The following CEP290 variants were observed in gnomAD, a reference collection of about 807,000 sequenced individuals.
CEP290 encodes centrosomal protein 290.
Under a neutral mutation model 344.9 loss-of-function variants are expected in CEP290, and 317 were observed. The ratio of observed to expected loss-of-function variants is 0.92; its 90% CI spans 0.84 to 1.01. The LOEUF (loss-of-function observed/expected upper bound fraction) is 1.01, where lower values mean the gene tolerates loss of function less well. Among genes scored for constraint, CEP290 ranks in the 50% least tolerant of loss-of-function variants. CEP290 has a pLI of 0.00. For synonymous variants in CEP290, 932 were observed against 895.8 expected (o/e 1.04, Z -0.72); for missense variants, 2,754 against 2,761.4 (o/e 1.00, Z 0.06).
chr12:88,059,791 A>C lies in CEP290; in HGVS notation c.6645+107T>G. 6 of 870,692 alleles carry C rather than the reference A, an allele frequency of 6.9e-6. No homozygotes were observed. In the South Asian group the frequency reaches 1.1e-4, roughly 16 times the overall value. 53.9% of individuals were successfully genotyped at this position (870,692 alleles called of 1,614,324 possible). ...TAGAAACACAATTCCTCAATCTCTT[A>C]ATATCTACCTTTACAGACACTCTCA... On this transcript the variant is annotated intron_variant, in intron 48 of 53. Transcript: ENST00000552810.
chr12:88,121,635 T>C (rs2039408894), intron 13 of CEP290, among the ~76,000 whole-genome samples: 2 of 152,030 alleles, frequency 1.3e-5, no homozygotes, highest in East Asian at 3.9e-4. Flanking sequence ...AAAAAATGTT[T>C]TTAAAATAAA....
At chr12:88,126,055 C>G (rs376388644) in intron 12 of CEP290, among the ~76,000 whole-genome samples, 1 of 151,846 alleles carries the variant, frequency 6.6e-6, no homozygotes. Context: ...TAATTTCTAA[C>G]CAAAACAATG....
Position 88,102,845 on chromosome 12 carries a change from T to C in CEP290, c.2984A>G (p.His995Arg). The C allele has an allele frequency of 6.2e-7, 1 of 1,609,590 alleles. No individual in the cohort carries two copies. The highest frequency in any genetic ancestry group is 8.5e-7 in the Non-Finnish European group (1 of 1,178,104). The change falls in exon 26 of 54, where the codon CAC (histidine) becomes CGC (arginine). Residue 995 changes from histidine (H) to arginine (R), a missense_variant. By Grantham distance (29) the His-to-Arg change is conservative (BLOSUM62 0). Transcript: ENST00000552810. ...AGAATCACACAAACTTACCTCCAGG[T>C]GTTCCAAGTTACTTGTTCTTTGAAC... Reference protein sequence around the residue: ...MLVQRTSNLEHLECENISLKE... With the variant: ...MLVQRTSNLERLECENISLKE...
chr12:88,105,111 T>C (rs1292013500), intron 25 of CEP290, among the ~76,000 whole-genome samples: 1 of 152,216 alleles, frequency 6.6e-6, no homozygotes, highest in Non-Finnish European at 1.5e-5. Context: ...ACCTGGGCTC[T>C]TTAAAGAAAT....
chr12:88,059,500 C>T (rs530560317), intron 48 of CEP290, among the ~76,000 whole-genome samples: 41 of 151,860 alleles, frequency 2.7e-4, no homozygotes, highest in African/African-American at 8.2e-4. Flanking sequence ...CTCTGCCTCC[C>T]GGGTTCAAGC....
At chr12:88,112,891 T>C (rs190131546) in intron 20 of CEP290, among the ~76,000 whole-genome samples, 4 of 152,230 alleles carry the variant, frequency 2.6e-5, no homozygotes, top group African/African-American at 9.6e-5. Context: ...CATTGAGGAA[T>C]AGTGCCGTGT....
At position 88,086,067 on chromosome 12, in the gene CEP290, G is replaced by C; in HGVS notation, c.4409C>G (p.Thr1470Arg). The C allele has an allele frequency of 6.2e-7, 1 of 1,612,014 alleles. No individual in the cohort carries two copies. Among genetic ancestry groups the C allele is most frequent in the Non-Finnish European group, 8.5e-7 (1 of 1,179,044 alleles). ...TTCTAGTGATTTGCAAGTTGCCCGT[G>C]TTTCTAGAATTATTCGAATGTTCTC... is the stretch of plus-strand genomic sequence containing the variant. ...IKENIRIILE[T>R]RATCKSLEEK... The change falls in exon 34 of 54, where the codon ACA becomes AGA. Residue 1470 changes from threonine to arginine, a missense_variant. Coordinates refer to ENST00000552810, the MANE Select transcript of CEP290 (RefSeq NM_025114.4).
intron 27 of CEP290, 85 bp downstream of exon 27, chr12:88,096,803 A>T: frequency 1.5e-6 from 1 of 687,058 alleles, no homozygotes; most frequent in Non-Finnish European, 2.4e-6. Flanking sequence ...CTTCCTTTTA[A>T]TCTAGCATAA....
chr12:88,077,290 C>A lies in CEP290; in HGVS notation c.5641G>T (p.Val1881Phe). 6.2e-7 allele frequency: 1 copy of A among 1,601,428 alleles called. No individual in the cohort carries two copies. The highest frequency in any genetic ancestry group is 8.5e-7 in the Non-Finnish European group (1 of 1,174,130). Reference sequence around the variant, plus strand: ...TCTAATTGGTTCTCTAGTTTTTTAACTTTCCTTTGGAGTTCTTCAATTAGA... The same window carrying A: ...TCTAATTGGTTCTCTAGTTTTTTAAATTTCCTTTGGAGTTCTTCAATTAGA... ...QSLIEELQRK[V>F]KKLENQLEGK... The change falls in exon 41 of 54, where the codon GTT becomes TTT. Residue 1881 changes from valine to phenylalanine, a missense_variant. Transcript: ENST00000552810.
intron 26 of CEP290, among the ~76,000 whole-genome samples, chr12:88,097,602 C>T (rs903811082): frequency 7.6e-5 from 7 of 92,650 alleles, no homozygotes; most frequent in Admixed American, 6.8e-4. Flanking sequence ...TATACACACA[C>T]ACACACATAC....
At chr12:88,075,463 G>C (rs1192106330) in intron 41 of CEP290, among the ~76,000 whole-genome samples, 1 of 151,884 alleles carries the variant, frequency 6.6e-6, no homozygotes, top group Non-Finnish European at 1.5e-5. Flanking sequence ...CTATGTGCCA[G>C]CGATTGTTCT....
intron 52 of CEP290, among the ~76,000 whole-genome samples, chr12:88,052,875 G>A (rs2033673274): frequency 6.6e-6 from 1 of 152,106 alleles, no homozygotes; most frequent in Admixed American, 6.6e-5. Flanking sequence ...GCACTATGCT[G>A]TGCTGCCCTC....
intron 47 of CEP290, among the ~76,000 whole-genome samples, chr12:88,060,545 G>A (rs1332504128): frequency 6.6e-6 from 1 of 151,602 alleles, no homozygotes; most frequent in Non-Finnish European, 1.5e-5. Flanking sequence ...GGGTGACAAA[G>A]CAGTACTCCA....
intron 41 of CEP290, 29 bp downstream of exon 41, chr12:88,077,193 C>T (rs1351742678): frequency 2.5e-6 from 4 of 1,589,076 alleles, no homozygotes; most frequent in Non-Finnish European, 3.4e-6. Flanking sequence ...CTACCTTAAG[C>T]ATATAAGTCA....
intron 26 of CEP290, among the ~76,000 whole-genome samples, chr12:88,101,085 G>A (rs2037835925): frequency 6.6e-6 from 1 of 151,990 alleles, no homozygotes; most frequent in Non-Finnish European, 1.5e-5. Flanking sequence ...CAGTAAGGAG[G>A]ATGTAAGACT....
At chr12:88,078,351 C>T (rs1472997145) in intron 39 of CEP290, among the ~76,000 whole-genome samples, 2 of 152,028 alleles carry the variant, frequency 1.3e-5, no homozygotes, top group Admixed American at 1.3e-4. Context: ...AAAAGGGTAA[C>T]TTACAATACT....
rs1484078785 is a variant in CEP290 at position 88,054,345 on chromosome 12, A to T, written c.7029T>A (p.Val2343=). ...TEQGLKRELQ[V]LRLANHQLDK... Reference sequence around the variant, plus strand: ...CATATGAATACATGATGTACCTAAGAACTTGAAGCTCCCGTTTAAGGCCTT... The same window carrying T: ...CATATGAATACATGATGTACCTAAGTACTTGAAGCTCCCGTTTAAGGCCTT... The change falls in exon 51 of 54, where the codon GTT becomes GTA. Residue 2343 remains valine, a synonymous_variant. Coordinates refer to ENST00000552810, the MANE Select transcript of CEP290 (RefSeq NM_025114.4). 2 of 1,600,218 alleles carry T rather than the reference A, an allele frequency of 1.2e-6. No individual in the cohort carries two copies. Among genetic ancestry groups the T allele is most frequent in the African/African-American group, 1.3e-5 (1 of 74,274 alleles).
chr12:88,083,162 T>C lies in CEP290; in HGVS notation c.4881A>G (p.Glu1627=), dbSNP rs778794581. Reference sequence around the variant, plus strand: ...AGTCATCTTGTTCTGCTACTGTCTGTTCCATCTCAGCCAGACGAATAAAAT... The same window carrying C: ...AGTCATCTTGTTCTGCTACTGTCTGCTCCATCTCAGCCAGACGAATAAAAT... ...NKHFIRLAEM[E]QTVAEQDDSL... The change falls in exon 37 of 54, where the codon GAA becomes GAG. Residue 1627 remains glutamate, a synonymous_variant. Coordinates refer to ENST00000552810, the MANE Select transcript of CEP290 (RefSeq NM_025114.4). 5.1e-6 allele frequency: 8 copies of C among 1,553,702 alleles called. No homozygotes were observed. Among genetic ancestry groups the C allele is most frequent in the South Asian group, 1.2e-5 (1 of 80,790 alleles).
intron 25 of CEP290, among the ~76,000 whole-genome samples, chr12:88,105,200 G>T (rs1206629524): frequency 6.6e-6 from 1 of 152,146 alleles, no homozygotes; most frequent in African/African-American, 2.4e-5. Context: ...AAGCTTTGAG[G>T]CTTCGTTCAA....
Sources: allele counts gnomAD v4.1 joint callset (sites outside exome capture counted in the v4.1 genomes callset), GRCh38; gene constraint gnomAD v4.1.1; transcripts MANE v1.5; gene names NCBI Gene and HGNC (gene_info 2026-07-23, HGNC 2026-07-21).